Variants in ABCA7 observed in about 807,000 individuals in gnomAD.
ABCA7 encodes the protein phospholipid-transporting ATPase ABCA7.
Under a neutral mutation model 227.6 loss-of-function variants are expected in ABCA7, and 261 were observed. The observed-to-expected ratio is 1.15, with a 90% CI of 1.04 to 1.27. The LOEUF (loss-of-function observed/expected upper bound fraction) is 1.27, where lower values mean the gene tolerates loss of function less well. ABCA7 is among the 50% of genes most tolerant of loss of function. The pLI, the probability that ABCA7 is intolerant of heterozygous loss-of-function variation, is 0.00. For missense variants in ABCA7, 3,331 were observed against 2,924.5 expected, an observed-to-expected ratio of 1.14 and a Z score of -3.21; for synonymous variants, 1,488 against 1,279.7, an observed-to-expected ratio of 1.16 and a Z score of -3.47.
intron 12 of ABCA7, 108 bp from the exon 13 acceptor site, chr19:1,046,122 C>T: frequency 7.6e-7 from 1 of 1,311,130 alleles, no homozygotes; most frequent in Non-Finnish European, 1.1e-6. Context: ...CTCTTCACTC[C>T]AGCCTGGGCG....
At chr19:1,042,512 G>T in intron 6 of ABCA7, 115 bp downstream of exon 6, 1 of 1,315,962 alleles carries the variant, frequency 7.6e-7, no homozygotes, top group Non-Finnish European at 1.1e-6. Flanking sequence ...GGCTGTCCCT[G>T]GTCTCTGCGG....
chr19:1,054,514 G>A lies in ABCA7; in HGVS notation c.3727-56G>A. The A allele has an allele frequency of 6.3e-7, 1 of 1,587,836 alleles. No individual in the cohort carries two copies. Among genetic ancestry groups the A allele is most frequent in the Non-Finnish European group, 8.6e-7 (1 of 1,164,964 alleles). Reference sequence around the variant, plus strand: ...GGTTGTAGAGCAGGAGCAGGGACAGGTGCAAGCAAGCCTGGAGGGTGGATG... The same window carrying A: ...GGTTGTAGAGCAGGAGCAGGGACAGATGCAAGCAAGCCTGGAGGGTGGATG... On this transcript the variant is annotated intron_variant, in intron 27 of 46. Coordinates refer to ENST00000263094, the MANE Select transcript of ABCA7 (RefSeq NM_019112.4). The surrounding 1 kb of genome is among the most constrained non-coding windows in gnomAD (Gnocchi z 4.8).
rs766421026 is a variant in ABCA7, at chr19:1,065,446, C to T, written c.*21C>T. 1.1e-5 allele frequency: 17 copies of T among 1,611,290 alleles called. No individual in the cohort carries two copies. Among genetic ancestry groups the T allele is most frequent in the Non-Finnish European group, 1.1e-5 (13 of 1,178,730 alleles). The stretch of plus-strand genomic sequence containing the variant: ...TCTGAGCCTCCCTCCCCTGCGGGGC[C>T]GCGGGGAGGCCCTGGGAATGGCAAG... On this transcript the variant is annotated 3_prime_UTR_variant, in exon 47 of 47. Coordinates refer to ENST00000263094, the MANE Select transcript of ABCA7 (RefSeq NM_019112.4).
At position 1,063,762 on chromosome 19, in the gene ABCA7, C is replaced by T. The variant is rs988007296; in HGVS notation, c.5850C>T (p.Asp1950=). ...ATGGGATCTTCCGTGCTCCCCAGGA[C>T]GAGCCGACCACAGGCATGGACCCCA... ...LVGDPAVVFL[D]EPTTGMDPSA... is the part of the protein sequence containing the mutation. The change falls in exon 44 of 47, where the codon GAC becomes GAT. Residue 1950 remains aspartate (D), a splice_region_variant and synonymous_variant. Coordinates refer to ENST00000263094, the MANE Select transcript of ABCA7 (RefSeq NM_019112.4). 2.6e-6 allele frequency: 4 copies of T among 1,546,814 alleles called. No individual in the cohort carries two copies. The highest frequency in any genetic ancestry group is 2.7e-5 in the African/African-American group (2 of 73,084).
chr19:1,044,763 G>C lies in ABCA7; in HGVS notation c.1215+19G>C. ...GACGGAGGTGAGGGCCTGTCCACCT[G>C]CGGGGTCTGTTTCAGTGGGGAGGGC... is the stretch of plus-strand genomic sequence containing the variant. On this transcript the variant is annotated intron_variant, in intron 11 of 46. Coordinates refer to ENST00000263094, the MANE Select transcript of ABCA7 (RefSeq NM_019112.4). The C allele has an allele frequency of 1.3e-6, 2 of 1,580,246 alleles. No individual in the cohort carries two copies. Among genetic ancestry groups the C allele is most frequent in the Non-Finnish European group, 1.7e-6 (2 of 1,165,726 alleles).
Position 1,043,708 on chromosome 19 carries a change from G to A in ABCA7, c.931-17G>A. 1 of 1,609,924 alleles carries A rather than the reference G, an allele frequency of 6.2e-7. No homozygotes were observed. The highest frequency in any genetic ancestry group is 8.5e-7 in the Non-Finnish European group (1 of 1,178,536). On this transcript the variant is annotated splice_polypyrimidine_tract_variant and intron_variant, in intron 9 of 46. Transcript: ENST00000263094. Reference sequence around the variant, plus strand: ...AGAGGAGGAGAGGGTCATCAGTGGAGGGGGTGCTGTCCACAGGTGAACCGG... The same window carrying A: ...AGAGGAGGAGAGGGTCATCAGTGGAAGGGGTGCTGTCCACAGGTGAACCGG...
chr19:1,061,390 CAAAAAAAAAAAAA>C (rs978850571), intron 40 of ABCA7, among the ~76,000 whole-genome samples: 1 of 36,920 alleles, frequency 2.7e-5, no homozygotes, highest in Admixed American at 2.6e-4. Context: ...GGCTCCGTCT[CAAAAAAAAAAAAA>C]AAAAAAAAAG....
At chr19:1,061,390 C>CAAAAAAAAAAAAAAAAA (rs978850571) in intron 40 of ABCA7, among the ~76,000 whole-genome samples, 2 of 36,910 alleles carry the variant, frequency 5.4e-5, no homozygotes, top group African/African-American at 2.8e-4. Context: ...GGCTCCGTCT[C>CAAAAAAAAAAAAAAAAA]AAAAAAAAAA....
At chr19:1,048,855 G>C (rs978095188) in intron 16 of ABCA7, 40 bp from the exon 17 acceptor site, 4 of 1,223,352 alleles carry the variant, frequency 3.3e-6, no homozygotes, top group African/African-American at 1.5e-5. Flanking sequence ...GTACACTCCT[G>C]GGGGGTGGGC....
chr19:1,041,406 C>T lies in ABCA7; in HGVS notation c.45C>T (p.Phe15=). 2 of 1,614,058 alleles carry T rather than the reference C, an allele frequency of 1.2e-6. No homozygotes were observed. The highest frequency in any genetic ancestry group is 1.7e-6 in the Non-Finnish European group (2 of 1,180,028). ...TQLMLLLWKN[F]MYRRRQPVQL... ...TGATGCTGCTGCTCTGGAAGAATTT[C>T]ATGTATCGCCGGAGACAGCCGGTAA... The change falls in exon 2 of 47, where the codon TTC becomes TTT. Residue 15 remains phenylalanine, a synonymous_variant. Coordinates refer to ENST00000263094, the MANE Select transcript of ABCA7 (RefSeq NM_019112.4).
intron 1 of ABCA7, among the ~76,000 whole-genome samples, chr19:1,040,827 C>A (rs2039956606): frequency 6.6e-6 from 1 of 152,130 alleles, no homozygotes; most frequent in African/African-American, 2.4e-5. Context: ...TCGGTTTCCA[C>A]TTCTGTAGAG....
chr19:1,065,198 G>C (rs4147936), intron 46 of ABCA7, 27 bp downstream of exon 46: 1,142,960 of 1,594,314 alleles, frequency 0.72, 413,372 homozygotes, highest in Admixed American at 0.81. Flanking sequence ...GGTCGGGCTG[G>C]GGGAGGCAGG....
At position 1,054,321 on chromosome 19, in the gene ABCA7, C is replaced by A. The variant is rs764301405; in HGVS notation, c.3706C>A (p.Arg1236Ser). 6.2e-7 allele frequency: 1 copy of A among 1,600,740 alleles called. No individual in the cohort carries two copies. Among genetic ancestry groups the A allele is most frequent in the South Asian group, 1.1e-5 (1 of 90,782 alleles). ...GCGCTTTCTGCTTGCCCGCCGCAGCCGCCGCGGCCTGTTCGCCCAGGTGAG... is the reference window on the plus strand; with the variant it reads ...GCGCTTTCTGCTTGCCCGCCGCAGCAGCCGCGGCCTGTTCGCCCAGGTGAG... ...LKRFLLARRS[R>S]RGLFAQIVLP... Residue 1236 changes from arginine (R) to serine (S), a missense_variant, in exon 27 of 47, where the codon CGC (arginine) becomes AGC (serine). Coordinates refer to ENST00000263094, the MANE Select transcript of ABCA7 (RefSeq NM_019112.4). The surrounding 1 kb of genome is among the most constrained non-coding windows in gnomAD (Gnocchi z 4.8).
chr19:1,063,783 C>T lies in ABCA7; in HGVS notation c.5871C>T (p.Asp1957=), dbSNP rs140111217. 17 of 1,547,192 alleles carry T rather than the reference C, an allele frequency of 1.1e-5. No homozygotes were observed. Among genetic ancestry groups the T allele is most frequent in the Non-Finnish European group, 1.4e-5 (16 of 1,145,730 alleles). ...AGGACGAGCCGACCACAGGCATGGACCCCAGCGCGCGGCGCTTCCTTTGGA... is the reference window on the plus strand; with the variant it reads ...AGGACGAGCCGACCACAGGCATGGATCCCAGCGCGCGGCGCTTCCTTTGGA... The part of the protein sequence containing the change: ...VFLDEPTTGM[D]PSARRFLWNS... The change falls in exon 44 of 47, where the codon GAC becomes GAT. Residue 1957 remains aspartate (D), a synonymous_variant. Coordinates refer to ENST00000263094, the MANE Select transcript of ABCA7 (RefSeq NM_019112.4).
chr19:1,042,364 T>A lies in ABCA7; in HGVS notation c.465T>A (p.Asp155Glu). The change falls in exon 6 of 47, where the codon GAT becomes GAA. Residue 155 changes from aspartate to glutamate, a missense_variant. Physicochemically the swap from Asp to Glu is conservative, Grantham distance 45. Coordinates refer to ENST00000263094, the MANE Select transcript of ABCA7 (RefSeq NM_019112.4). ...KQSPLEPPML[D>E]VAELLTSLLR... is the part of the protein sequence containing the mutation. ...CTCCACTGGAACCACCCATGCTGGA[T>A]GTCGCGGAGCTGCTGACGTCACTGC... 1 of 1,602,992 alleles carries A rather than the reference T, an allele frequency of 6.2e-7. No individual in the cohort carries two copies. Among genetic ancestry groups the A allele is most frequent in the Non-Finnish European group, 8.5e-7 (1 of 1,172,428 alleles).
intron 18 of ABCA7, among the ~76,000 whole-genome samples, chr19:1,050,041 C>A (rs1329047658): frequency 3.4e-5 from 5 of 145,716 alleles, no homozygotes; most frequent in African/African-American, 1.0e-4. Context: ...CCCTGTGAGG[C>A]CCCCGACCAG....
At position 1,055,000 on chromosome 19, in the gene ABCA7, G is replaced by A. The variant is rs1324041787; in HGVS notation, c.3951-97G>A. Reference sequence around the variant, plus strand: ...CCCTGTGCCCACCTGGGAGCTGGGAGCCTCTGTGGCTCCAGGAACCCCCAG... The same window carrying A: ...CCCTGTGCCCACCTGGGAGCTGGGAACCTCTGTGGCTCCAGGAACCCCCAG... On this transcript the variant is annotated intron_variant, in intron 29 of 46. Transcript: ENST00000263094. The surrounding 1 kb of genome is among the most constrained non-coding windows in gnomAD (Gnocchi z 4.8). 1.3e-6 allele frequency: 2 copies of A among 1,530,040 alleles called. No individual in the cohort carries two copies. The highest frequency in any genetic ancestry group is 1.8e-6 in the Non-Finnish European group (2 of 1,137,062). 94.8% of individuals were successfully genotyped at this position (1,530,040 alleles called of 1,614,324 possible).
At position 1,063,565 on chromosome 19, in the gene ABCA7, C is replaced by T. The variant is rs772680951; in HGVS notation, c.5734C>T (p.Arg1912Cys). ...VAQTAGSGLA[R>C]LGLSWYADRP... ...ACAGACCGCTGGCTCGGGCCTGGCG[C>T]GTCTGGGACTCTCATGGTACGCAGA... Residue 1912 changes from arginine (R) to cysteine (C), a missense_variant, in exon 43 of 47, where the codon CGT becomes TGT. Coordinates refer to ENST00000263094, the MANE Select transcript of ABCA7 (RefSeq NM_019112.4). The T allele has an allele frequency of 6.2e-7, 1 of 1,610,848 alleles. No homozygotes were observed. The highest frequency in any genetic ancestry group is 8.5e-7 in the Non-Finnish European group (1 of 1,179,910).
At chr19:1,063,216 C>G (rs1374921364) in intron 42 of ABCA7, among the ~76,000 whole-genome samples, 2 of 128,518 alleles carry the variant, frequency 1.6e-5, no homozygotes, top group Non-Finnish European at 1.6e-5. Flanking sequence ...ACCAGTGTGG[C>G]CCCGCCCCAT....
Sources: gnomAD v4.1 joint callset for allele counts (sites outside exome capture counted in the v4.1 genomes callset) on GRCh38, gnomAD v4.1.1 for gene constraint, Gnocchi (gnomAD v3.1) non-coding constraint, MANE v1.5 for transcripts, NCBI Gene and HGNC (gene_info 2026-07-23, HGNC 2026-07-21) for gene names.